Variants in AFF3 observed in about 807,000 individuals in gnomAD.
AFF3 encodes AF4/FMR2 family member 3.
In AFF3, 32 loss-of-function variants were observed where a neutral mutation model predicts 129.7. That is an observed-to-expected ratio of 0.25 (90% confidence interval 0.19 to 0.33). The LOEUF (loss-of-function observed/expected upper bound fraction) is 0.33, where lower values mean the gene tolerates loss of function less well. Among genes scored for constraint, AFF3 ranks in the 10% least tolerant of loss-of-function variants. The pLI is 1.00. For missense variants in AFF3, 1,373 were observed against 1,592.0 expected (o/e 0.86, Z 2.34); for synonymous variants, 644 against 635.4 (o/e 1.01, Z -0.20).
intron 7 of AFF3, among the ~76,000 whole-genome samples, chr2:99,918,157 T>C (rs1420207175): frequency 1.3e-5 from 2 of 152,174 alleles, no homozygotes; most frequent in Non-Finnish European, 2.9e-5. Context: ...AGTTACAAAA[T>C]ATGGTGCATT....
intron 7 of AFF3, among the ~76,000 whole-genome samples, chr2:99,991,714 C>T (rs1241910032): frequency 6.6e-6 from 1 of 152,030 alleles, no homozygotes; most frequent in Non-Finnish European, 1.5e-5. Flanking sequence ...AGCAGCCTGG[C>T]CAACATGGTG....
rs528798649 is a variant in AFF3, at chr2:99,547,873, T to C, written c.*3601A>G. ...TTGTTGTACATATGAGGATAAGTTT[T>C]AGTGCAGAAAGTCTCATTGCATTGC... On this transcript the variant is annotated 3_prime_UTR_variant, in exon 25 of 25. Coordinates refer to ENST00000672756, the MANE Select transcript of AFF3 (RefSeq NM_001386135.1). 3.0e-4 allele frequency: 64 copies of C among 213,938 alleles called. 2 individuals carry two copies. The highest frequency in any genetic ancestry group is 1.2e-3 in the Admixed American group (20 of 17,124). 13.3% of individuals were successfully genotyped at this position (213,938 alleles called of 1,614,324 possible).
chr2:99,986,201 A>AAAT (rs35535526), intron 7 of AFF3, among the ~76,000 whole-genome samples: 17,103 of 136,866 alleles, frequency 0.12, 1,215 homozygotes, highest in South Asian at 0.17. Context: ...ACTTCATCTC[A>AAAT]AATAATAATA....
chr2:99,913,402 A>C (rs1463566682), intron 7 of AFF3, among the ~76,000 whole-genome samples: 1 of 152,244 alleles, frequency 6.6e-6, no homozygotes, highest in East Asian at 1.9e-4. Flanking sequence ...GTGAAACTGG[A>C]CTGGAATTGG....
chr2:99,643,220 C>T (rs1684378519), intron 13 of AFF3, among the ~76,000 whole-genome samples: 1 of 151,862 alleles, frequency 6.6e-6, no homozygotes, highest in South Asian at 2.1e-4. Flanking sequence ...CCACCACGCC[C>T]AGCTAATTTT....
chr2:99,670,957 C>T (rs1284455303), intron 12 of AFF3, among the ~76,000 whole-genome samples: 1 of 152,086 alleles, frequency 6.6e-6, no homozygotes, highest in African/African-American at 2.4e-5. Flanking sequence ...AATGAGTCAA[C>T]TAAAAGCTCT....
chr2:99,632,280 G>A (rs1366982198), intron 13 of AFF3, among the ~76,000 whole-genome samples: 1 of 152,090 alleles, frequency 6.6e-6, no homozygotes, highest in Admixed American at 6.5e-5. Flanking sequence ...CTCCCACAGT[G>A]CTGGGATTAC....
chr2:100,126,829 C>T (rs887171483), intron 2 of AFF3, among the ~76,000 whole-genome samples: 1 of 152,062 alleles, frequency 6.6e-6, no homozygotes, highest in Non-Finnish European at 1.5e-5. Context: ...TTTCTGTTTC[C>T]AATAATTGAA....
chr2:99,919,789 A>G (rs1291964342), intron 7 of AFF3, among the ~76,000 whole-genome samples: 5 of 152,054 alleles, frequency 3.3e-5, no homozygotes, highest in African/African-American at 1.2e-4. Flanking sequence ...TCAGTTCTCT[A>G]AAAAGCCTAA....
At chr2:99,860,552 T>TCAAAAAA (rs57117369) in intron 7 of AFF3, among the ~76,000 whole-genome samples, 115,974 of 148,642 alleles carry the variant, frequency 0.78, 45,966 homozygotes, top group South Asian at 0.92. Context: ...AGACTCTGTC[T>TCAAAAAA]CAAAAAACAA....
intron 2 of AFF3, among the ~76,000 whole-genome samples, chr2:100,116,017 A>C (rs571093616): frequency 1.5e-3 from 229 of 152,222 alleles, no homozygotes; most frequent in Non-Finnish European, 2.5e-3. Context: ...ATTTGAAATC[A>C]TGCTATTATG....
intron 8 of AFF3, among the ~76,000 whole-genome samples, chr2:99,826,628 A>G (rs1294725593): frequency 6.6e-6 from 1 of 152,052 alleles, no homozygotes; most frequent in African/African-American, 2.4e-5. Context: ...CCCAGAGGTG[A>G]TGGTGAGAGC....
intron 4 of AFF3, among the ~76,000 whole-genome samples, chr2:100,070,232 G>A (rs1003361158): frequency 3.3e-5 from 5 of 151,924 alleles, no homozygotes; most frequent in African/African-American, 9.7e-5. Flanking sequence ...ACTGTAAAAC[G>A]TGGTTGCGTA....
At chr2:100,033,357 T>G (rs1684663799) in intron 4 of AFF3, among the ~76,000 whole-genome samples, 1 of 152,222 alleles carries the variant, frequency 6.6e-6, no homozygotes, top group Admixed American at 6.5e-5. Context: ...GTGGATTTAT[T>G]TTAAATATCT....
At chr2:99,609,924 C>T (rs1680753524) in intron 13 of AFF3, among the ~76,000 whole-genome samples, 1 of 152,156 alleles carries the variant, frequency 6.6e-6, no homozygotes, top group Non-Finnish European at 1.5e-5. Flanking sequence ...AGAAGTGAAA[C>T]AGCCAGCTCC....
intron 2 of AFF3, among the ~76,000 whole-genome samples, chr2:100,118,954 C>G (rs1024522086): frequency 6.6e-6 from 1 of 152,110 alleles, no homozygotes; most frequent in Admixed American, 6.5e-5. Flanking sequence ...GCGTGCGCCA[C>G]CACACCCAGC....
At chr2:99,808,297 T>C (rs1226763633) in intron 8 of AFF3, among the ~76,000 whole-genome samples, 1 of 152,194 alleles carries the variant, frequency 6.6e-6, no homozygotes, top group Non-Finnish European at 1.5e-5. Flanking sequence ...AAGAGAGCCA[T>C]ACTTTAGGAA....
chr2:99,999,475 C>T (rs1681182119), intron 7 of AFF3, among the ~76,000 whole-genome samples: 1 of 152,126 alleles, frequency 6.6e-6, no homozygotes, highest in African/African-American at 2.4e-5. Context: ...TAAGCAGTAC[C>T]ATGAAAATGG....
intron 16 of AFF3, among the ~76,000 whole-genome samples, chr2:99,584,468 C>G (rs1677899030): frequency 1.3e-5 from 2 of 152,048 alleles, no homozygotes; most frequent in Admixed American, 6.6e-5. Flanking sequence ...GACTCCGTCT[C>G]CAAAATAAAT....
Sources: allele counts gnomAD v4.1 joint callset (sites outside exome capture counted in the v4.1 genomes callset), GRCh38; gene constraint gnomAD v4.1.1; transcripts MANE v1.5; gene names NCBI Gene and HGNC (gene_info 2026-07-23, HGNC 2026-07-21).